Variants in WASHC4 observed in about 807,000 individuals in gnomAD.
WASHC4 encodes WASH complex subunit 4.
WASHC4 carries 86 observed loss-of-function variants against 166.6 expected under a neutral mutation model. The observed-to-expected ratio is 0.52, with a 90% CI of 0.43 to 0.62. The LOEUF (loss-of-function observed/expected upper bound fraction) is 0.62. WASHC4 is among the 20% of genes least tolerant of loss of function. The pLI is 0.00. For synonymous variants in WASHC4, 446 were observed against 451.6 expected, an observed-to-expected ratio of 0.99 and a Z score of 0.16; for missense variants, 1,262 against 1,382.4, an observed-to-expected ratio of 0.91 and a Z score of 1.38.
intron 29 of WASHC4, among the ~76,000 whole-genome samples, chr12:105,160,445 C>G (rs1272950008): frequency 1.3e-5 from 2 of 152,094 alleles, no homozygotes; most frequent in Non-Finnish European, 2.9e-5. Context: ...CTCCTGGGCT[C>G]AAGCCAGCCC....
intron 1 of WASHC4, among the ~76,000 whole-genome samples, chr12:105,110,896 G>A (rs1879623723): frequency 6.6e-6 from 1 of 152,102 alleles, no homozygotes; most frequent in African/African-American, 2.4e-5. Flanking sequence ...AGGGTTTTAA[G>A]GTAGTAACTT....
intron 22 of WASHC4, 45 bp downstream of exon 22, chr12:105,144,917 G>A: frequency 6.4e-7 from 1 of 1,563,196 alleles, no homozygotes; most frequent in Non-Finnish European, 8.8e-7. Flanking sequence ...ACTGTTGGCT[G>A]TAACAGTACT....
chr12:105,148,029 A>G lies in WASHC4; in HGVS notation c.2514+883A>G, dbSNP rs1883453963. 1.3e-5 allele frequency: 13 copies of G among 985,374 alleles called. No homozygotes were observed. The South Asian group carries it at 3.8e-4, about 28-fold the overall frequency. The allele number at this position is 985,374 out of a possible 1,614,324, so 61.0% of individuals were successfully genotyped here. A position where few individuals can be genotyped will look rare whatever the true frequency, so the allele number is the denominator to read the frequency against. On this transcript the variant is annotated intron_variant, in intron 24 of 32. Coordinates refer to ENST00000332180, the MANE Select transcript of WASHC4 (RefSeq NM_015275.3). ...TGAATTTACCTGGTTTTCAGAGCAC[A>G]GTTAATTTCTCCTTTAGGGGAGAAG...
chr12:105,125,043 G>C (rs1262595620), intron 10 of WASHC4, among the ~76,000 whole-genome samples: 1 of 152,218 alleles, frequency 6.6e-6, no homozygotes, highest in Non-Finnish European at 1.5e-5. Flanking sequence ...AGAAAGTTCT[G>C]TTGGAGAGCG....
chr12:105,114,485 T>C, intron 4 of WASHC4, 58 bp downstream of exon 4: 1 of 1,050,258 alleles, frequency 9.5e-7, no homozygotes, highest in African/African-American at 1.6e-5. Context: ...AGCAAGTATG[T>C]GTTTATATAT....
rs199884999 is a variant in WASHC4, at chr12:105,137,852, T to C, written c.1327-34T>C. 4 of 1,567,522 alleles carry C rather than the reference T, an allele frequency of 2.6e-6. No individual in the cohort carries two copies. The Admixed American group carries it at 6.7e-5, about 26-fold the overall frequency. ...ATAATGAAATCTTGAAGAAAATCTT[T>C]CCTTGTGATTATAATCAATGTTTTC... On this transcript the variant is annotated intron_variant, in intron 14 of 32. Transcript: ENST00000332180.
intron 14 of WASHC4, among the ~76,000 whole-genome samples, chr12:105,134,514 G>A (rs1384695019): frequency 2.0e-5 from 3 of 152,000 alleles, no homozygotes; most frequent in African/African-American, 4.8e-5. Flanking sequence ...GTATTTTTAG[G>A]CTAAGTATAT....
At chr12:105,122,308 G>C in intron 10 of WASHC4, 70 bp downstream of exon 10, 1 of 1,487,090 alleles carries the variant, frequency 6.7e-7, no homozygotes, top group Non-Finnish European at 9.3e-7. Flanking sequence ...ATTATAGTAG[G>C]ACACTTTTAT....
intron 4 of WASHC4, among the ~76,000 whole-genome samples, chr12:105,114,900 G>T (rs1880037191): frequency 6.6e-6 from 1 of 151,946 alleles, no homozygotes; most frequent in African/African-American, 2.4e-5. Context: ...ATACCATGTG[G>T]TTGCTCTTTA....
In WASHC4 at chr12:105,119,351, A is replaced by T. The variant is rs191601412; in HGVS notation, c.518+823A>T. Among the ~76,000 whole-genome samples, 31 of 152,292 alleles carry T rather than the reference A, an allele frequency of 2.0e-4. No individual in the cohort carries two copies. In the East Asian group the frequency reaches 5.8e-3, roughly 28 times the overall value. On this transcript the variant is annotated intron_variant, in intron 7 of 32. Transcript: ENST00000332180. ...TTAAAATTTTTTTTCCACACTTACA[A>T]TCTAATTAATACATTAACTTTGTTT...
rs74545413 is a variant in WASHC4 at position 105,152,146 on chromosome 12, C to T, written c.2650-197C>T. ...TAGGTTAGTGGCATTGATTATTAGT[C>T]GTTTTAGCTAATGTCAAAAAGAAAA... On this transcript the variant is annotated intron_variant, in intron 25 of 32. Transcript: ENST00000332180. Among the ~76,000 whole-genome samples the T allele has an allele frequency of 7.7e-3, 1,176 of 152,108 alleles. 17 individuals are homozygous for T. The highest frequency in any genetic ancestry group is 0.026 in the African/African-American group (1,096 of 41,490).
chr12:105,115,774 G>T, intron 6 of WASHC4, 46 bp downstream of exon 6: 2 of 1,224,098 alleles, frequency 1.6e-6, no homozygotes, highest in South Asian at 2.4e-5. Flanking sequence ...CAAAAAGTTT[G>T]AGTAAATTAC....
chr12:105,167,288 T>G lies in WASHC4; in HGVS notation c.*357T>G. 4.2e-6 allele frequency: 1 copy of G among 237,824 alleles called. No individual in the cohort carries two copies. Among genetic ancestry groups the G allele is most frequent in the Non-Finnish European group, 8.4e-6 (1 of 119,072 alleles). The allele number at this position is 237,824 out of a possible 1,614,324, so 14.7% of individuals were successfully genotyped here. A position where few individuals can be genotyped will look rare whatever the true frequency, so the allele number is the denominator to read the frequency against. ...TTTGCATAGATCTTTGATCTATAGT[T>G]ATTTCAAGTCATGGGAAATTCAATG... On this transcript the variant is annotated 3_prime_UTR_variant, in exon 33 of 33. Coordinates refer to ENST00000332180, the MANE Select transcript of WASHC4 (RefSeq NM_015275.3).
intron 26 of WASHC4, among the ~76,000 whole-genome samples, chr12:105,155,506 T>C (rs1884080315): frequency 0.013 from 31 of 2,352 alleles, no homozygotes; most frequent in South Asian, 0.026. Flanking sequence ...AGGATTTTGA[T>C]TACTGAGGGT....
In WASHC4 at chr12:105,149,709, T is replaced by C. The variant is rs757074685; in HGVS notation, c.2609T>C (p.Ile870Thr). ...EHIKSRLIKDIRFFREIKDQN... is the reference protein window; with the variant it reads ...EHIKSRLIKDTRFFREIKDQN... ...ATCAAATCCAGATTGATTAAAGATATTCGATTTTTCAGGGAAATTAAGGAC... is the reference window on the plus strand; with the variant it reads ...ATCAAATCCAGATTGATTAAAGATACTCGATTTTTCAGGGAAATTAAGGAC... The change falls in exon 25 of 33, where the codon ATT becomes ACT. Residue 870 changes from isoleucine (I) to threonine (T), a missense_variant. Coordinates refer to ENST00000332180, the MANE Select transcript of WASHC4 (RefSeq NM_015275.3). The C allele has an allele frequency of 4.4e-6, 7 of 1,585,942 alleles. No individual in the cohort carries two copies. The highest frequency in any genetic ancestry group is 1.7e-5 in the Admixed American group (1 of 59,734).
In WASHC4 at chr12:105,142,446, A is replaced by G. The variant is rs779573378; in HGVS notation, c.1788-7A>G. The G allele has an allele frequency of 1.9e-5, 29 of 1,552,942 alleles. No individual in the cohort carries two copies. The South Asian group carries it at 2.9e-4, about 15-fold the overall frequency. Reference sequence around the variant, plus strand: ...TTGGTGTGACTGATTACTACTTTACATTGTAGAGTCCAAACACAATGTGAC... The same window carrying G: ...TTGGTGTGACTGATTACTACTTTACGTTGTAGAGTCCAAACACAATGTGAC... On this transcript the variant is annotated splice_polypyrimidine_tract_variant and splice_region_variant and intron_variant, in intron 18 of 32. Coordinates refer to ENST00000332180, the MANE Select transcript of WASHC4 (RefSeq NM_015275.3).
intron 13 of WASHC4, among the ~76,000 whole-genome samples, chr12:105,130,171 A>AT (rs1315724294): frequency 6.6e-6 from 1 of 152,192 alleles, no homozygotes; most frequent in African/African-American, 2.4e-5. Flanking sequence ...ACTATAAACC[A>AT]TTTTTATCCC....
At chr12:105,165,564 C>T (rs1201972710) in intron 32 of WASHC4, among the ~76,000 whole-genome samples, 2 of 152,070 alleles carry the variant, frequency 1.3e-5, no homozygotes, top group African/African-American at 4.8e-5. Context: ...CTTACTCGTG[C>T]TTCATGAAGT....
chr12:105,164,392 A>G lies in WASHC4; in HGVS notation c.3354+85A>G, dbSNP rs1481075212. On this transcript the variant is annotated intron_variant, in intron 31 of 32. Transcript: ENST00000332180. Reference sequence around the variant, plus strand: ...TTAATGTCTGAAAAGCAGAAGCCATATAGAAACTACCATTTTCACAAGTGA... The same window carrying G: ...TTAATGTCTGAAAAGCAGAAGCCATGTAGAAACTACCATTTTCACAAGTGA... 6 of 1,189,914 alleles carry G rather than the reference A, an allele frequency of 5.0e-6. No individual in the cohort carries two copies. In the East Asian group the frequency reaches 7.0e-5, roughly 14 times the overall value. 73.7% of individuals were successfully genotyped at this position (1,189,914 alleles called of 1,614,324 possible).
Sources: allele counts gnomAD v4.1 joint callset (sites outside exome capture counted in the v4.1 genomes callset), GRCh38; gene constraint gnomAD v4.1.1; transcripts MANE v1.5; gene names NCBI Gene and HGNC (gene_info 2026-07-23, HGNC 2026-07-21).